ADAMTSL1: variants seen among roughly 807,000 people sequenced by gnomAD.
ADAMTSL1 encodes ADAMTS like 1.
In ADAMTSL1, 126 loss-of-function variants were observed where a neutral mutation model predicts 201.8. That is an observed-to-expected ratio of 0.62 (90% CI 0.54 to 0.72). The LOEUF (loss-of-function observed/expected upper bound fraction) is 0.72, where lower values mean the gene tolerates loss of function less well. Among genes scored for constraint, ADAMTSL1 ranks in the 30% least tolerant of loss-of-function variants. ADAMTSL1 has a pLI of 0.00. For missense variants in ADAMTSL1, 2,679 were observed against 2,277.8 expected (o/e 1.18, Z -3.59); for synonymous variants, 1,121 against 903.4 (o/e 1.24, Z -4.32).
chr9:18,582,430 A>G (rs1242272395), intron 4 of ADAMTSL1, among the ~76,000 whole-genome samples: 1 of 152,008 alleles, frequency 6.6e-6, no homozygotes, highest in African/African-American at 2.4e-5. Context: ...TTGAACTGGA[A>G]CTCCTGCAAT....
intron 2 of ADAMTSL1, among the ~76,000 whole-genome samples, chr9:18,377,901 G>A (rs1030274048): frequency 1.3e-5 from 2 of 151,920 alleles, no homozygotes; most frequent in Non-Finnish European, 2.9e-5. Flanking sequence ...ATTTGGAAAG[G>A]CCTAGTGGAC....
At chr9:18,898,656 G>A (rs1174824865) in intron 26 of ADAMTSL1, among the ~76,000 whole-genome samples, 1 of 152,062 alleles carries the variant, frequency 6.6e-6, no homozygotes, top group East Asian at 1.9e-4. Flanking sequence ...ATATAAGGTT[G>A]GGTCAATAAA....
chr9:18,836,286 T>C (rs79389641), intron 23 of ADAMTSL1, among the ~76,000 whole-genome samples: 13,441 of 152,180 alleles, frequency 0.088, 797 homozygotes, highest in East Asian at 0.21. Context: ...GTTAGTTGTT[T>C]TTTGCTTGCT....
At chr9:18,231,008 C>T (rs759508734) in intron 2 of ADAMTSL1, among the ~76,000 whole-genome samples, 7 of 152,152 alleles carry the variant, frequency 4.6e-5, no homozygotes, top group Non-Finnish European at 7.3e-5. Flanking sequence ...GTGCTTAATG[C>T]ACCACTTCCT....
intron 3 of ADAMTSL1, among the ~76,000 whole-genome samples, chr9:18,557,117 A>C (rs937988657): frequency 4.6e-5 from 7 of 151,956 alleles, no homozygotes; most frequent in Admixed American, 3.3e-4. Flanking sequence ...GTCTATAAGG[A>C]AAGGCACAGA....
At chr9:18,453,616 C>A (rs1005232188) in intron 2 of ADAMTSL1, among the ~76,000 whole-genome samples, 6 of 152,038 alleles carry the variant, frequency 3.9e-5, no homozygotes, top group Non-Finnish European at 7.4e-5. Context: ...TTAAAATTAG[C>A]CACACAGCTC....
At chr9:18,753,213 G>T in intron 15 of ADAMTSL1, 85 bp from the exon 16 acceptor site, 1 of 1,341,868 alleles carries the variant, frequency 7.5e-7, no homozygotes, top group Non-Finnish European at 1.0e-6. Context: ...CCCAGTTAGG[G>T]GTTTTAACTC....
At chr9:18,193,580 T>A (rs953367875) in intron 2 of ADAMTSL1, among the ~76,000 whole-genome samples, 1 of 152,020 alleles carries the variant, frequency 6.6e-6, no homozygotes. Flanking sequence ...CAAATCCAGA[T>A]GTGAGGACAT....
At chr9:17,981,583 T>A (rs1006010105) in intron 1 of ADAMTSL1, among the ~76,000 whole-genome samples, 4 of 152,204 alleles carry the variant, frequency 2.6e-5, no homozygotes, top group Non-Finnish European at 5.9e-5. Flanking sequence ...AGGATGAACG[T>A]GTCCTTCTTC....
chr9:18,730,563 T>C (rs2133477986), intron 15 of ADAMTSL1, among the ~76,000 whole-genome samples: 1 of 152,316 alleles, frequency 6.6e-6, no homozygotes, highest in East Asian at 1.9e-4. Flanking sequence ...TTCATGTCTT[T>C]TCCATTCCCT....
intron 2 of ADAMTSL1, among the ~76,000 whole-genome samples, chr9:18,505,635 G>A (rs1274146022): frequency 6.6e-6 from 1 of 152,098 alleles, no homozygotes; most frequent in Non-Finnish European, 1.5e-5. Context: ...TGAGCTGTGT[G>A]GTCTATGACT....
chr9:18,409,609 T>C (rs915213018), intron 2 of ADAMTSL1, among the ~76,000 whole-genome samples: 9 of 151,216 alleles, frequency 6.0e-5, no homozygotes, highest in African/African-American at 2.2e-4. Flanking sequence ...CTTTGTGATA[T>C]TCTCAGTTTA....
intron 4 of ADAMTSL1, among the ~76,000 whole-genome samples, chr9:18,591,993 G>A (rs1002840928): frequency 2.6e-5 from 4 of 152,196 alleles, no homozygotes; most frequent in Admixed American, 2.6e-4. Context: ...TGTGCAATAT[G>A]CAGTCAGGCA....
chr9:18,049,625 T>C (rs1821833682), intron 1 of ADAMTSL1, among the ~76,000 whole-genome samples: 1 of 151,268 alleles, frequency 6.6e-6, no homozygotes, highest in Admixed American at 6.6e-5. Flanking sequence ...TATTCTTTTT[T>C]TTTTTTTTCT....
chr9:17,935,117 C>A (rs1178877308), intron 1 of ADAMTSL1, among the ~76,000 whole-genome samples: 1 of 152,016 alleles, frequency 6.6e-6, no homozygotes, highest in Non-Finnish European at 1.5e-5. Flanking sequence ...AGGCCATCAG[C>A]AGCCTTCATA....
intron 26 of ADAMTSL1, 75 bp downstream of exon 26, chr9:18,892,671 GCTATCA>G: frequency 6.9e-7 from 1 of 1,453,874 alleles, no homozygotes; most frequent in Non-Finnish European, 9.3e-7. Flanking sequence ...GAAGTGAAAT[GCTATCA>G]CTGCCACTGC....
At chr9:18,481,274 G>A (rs1821715076) in intron 1 of ADAMTSL1, among the ~76,000 whole-genome samples, 1 of 152,220 alleles carries the variant, frequency 6.6e-6, no homozygotes, top group Admixed American at 6.5e-5. Context: ...GCTGGGTGCA[G>A]TGGCTCACAT....
chr9:18,235,414 G>C (rs1830809956), intron 2 of ADAMTSL1, among the ~76,000 whole-genome samples: 1 of 152,114 alleles, frequency 6.6e-6, no homozygotes, highest in Non-Finnish European at 1.5e-5. Context: ...ACTTAGCTGA[G>C]GCAGTGTTTC....
At chr9:18,045,895 T>A (rs1038422235) in intron 1 of ADAMTSL1, among the ~76,000 whole-genome samples, 4 of 152,142 alleles carry the variant, frequency 2.6e-5, no homozygotes, top group Non-Finnish European at 5.9e-5. Flanking sequence ...AAAAAAAATT[T>A]CCCTGTTCTA....
Sources: gnomAD v4.1 joint callset for allele counts (sites outside exome capture counted in the v4.1 genomes callset) on GRCh38, gnomAD v4.1.1 for gene constraint, MANE v1.5 for transcripts, NCBI Gene and HGNC (gene_info 2026-07-23, HGNC 2026-07-21) for gene names.